The following ENPP3 variants were observed in gnomAD, a reference collection of about 807,000 sequenced individuals.
The protein encoded by ENPP3 is ectonucleotide pyrophosphatase/phosphodiesterase 3, also known as ectonucleotide pyrophosphatase/phosphodiesterase family member 3.
ENPP3 carries 104 observed loss-of-function variants against 117.8 expected under a neutral mutation model. The observed-to-expected ratio is 0.88, with a 90% CI of 0.75 to 1.04. ENPP3 has a LOEUF of 1.04. ENPP3 is among the 50% of genes least tolerant of loss of function. The pLI is 0.00. For synonymous variants in ENPP3, 380 were observed against 349.9 expected (o/e 1.09, Z -0.96); for missense variants, 1,026 against 1,051.9 (o/e 0.98, Z 0.34).
At chr6:131,730,443 C>T (rs894247035) in intron 20 of ENPP3, among the ~76,000 whole-genome samples, 4 of 152,156 alleles carry the variant, frequency 2.6e-5, no homozygotes, top group African/African-American at 4.8e-5. Flanking sequence ...CAAACGTCTT[C>T]GTATTTCTTG....
intron 14 of ENPP3, among the ~76,000 whole-genome samples, chr6:131,689,212 C>A (rs532974318): frequency 2.0e-4 from 30 of 152,246 alleles, no homozygotes; most frequent in African/African-American, 6.0e-4. Context: ...CCACACTAAG[C>A]AACATATTTT....
intron 15 of ENPP3, chr6:131,701,126 G>A (rs1324586913): frequency 3.0e-6 from 2 of 656,670 alleles, no homozygotes; most frequent in Non-Finnish European, 5.0e-6. Flanking sequence ...GGCCCGCAAA[G>A]GAGATGGGCT....
At position 131,726,077 on chromosome 6, in the gene ENPP3, T is replaced by G. The variant is rs753889551; in HGVS notation, c.1830T>G (p.Phe610Leu). The G allele has an allele frequency of 6.8e-6, 11 of 1,612,610 alleles. No individual in the cohort carries two copies. The highest frequency in any genetic ancestry group is 9.3e-6 in the Non-Finnish European group (11 of 1,178,938). The part of the protein sequence containing the change: ...ITATVKVNLP[F>L]GRPRVLQKNV... ...CAACAGTGAAAGTAAATTTGCCATT[T>G]GGGAGGCCTAGGGTACTGCAGAAGA... The change falls in exon 20 of 25, where the codon TTT becomes TTG. Residue 610 changes from phenylalanine (F) to leucine (L), a missense_variant. Coordinates refer to ENST00000357639, the MANE Select transcript of ENPP3 (RefSeq NM_005021.5).
At chr6:131,726,932 C>T (rs1780167275) in intron 20 of ENPP3, among the ~76,000 whole-genome samples, 1 of 152,134 alleles carries the variant, frequency 6.6e-6, no homozygotes, top group Non-Finnish European at 1.5e-5. Context: ...GTCCATATTC[C>T]CTTTGTGCAT....
intron 15 of ENPP3, among the ~76,000 whole-genome samples, chr6:131,718,353 C>T (rs982178273): frequency 3.3e-5 from 5 of 151,938 alleles, no homozygotes; most frequent in African/African-American, 1.2e-4. Context: ...AAAATATGTA[C>T]CTTTATTACT....
intron 2 of ENPP3, among the ~76,000 whole-genome samples, chr6:131,645,796 C>T (rs930166123): frequency 2.0e-5 from 3 of 151,838 alleles, no homozygotes; most frequent in African/African-American, 7.3e-5. Context: ...GATTAGTGAT[C>T]CTTTGTAGGT....
chr6:131,671,780 A>T (rs1213546996), intron 7 of ENPP3, among the ~76,000 whole-genome samples: 1 of 152,200 alleles, frequency 6.6e-6, no homozygotes, highest in Non-Finnish European at 1.5e-5. Context: ...CTTTAGATAA[A>T]GCAATAAAAG....
At chr6:131,687,105 G>A (rs968912208) in intron 14 of ENPP3, among the ~76,000 whole-genome samples, 1 of 152,146 alleles carries the variant, frequency 6.6e-6, no homozygotes, top group Non-Finnish European at 1.5e-5. Flanking sequence ...GCTTTCCACA[G>A]TGGCTGGACT....
chr6:131,672,312 T>G (rs924066061), intron 7 of ENPP3, among the ~76,000 whole-genome samples: 7 of 152,158 alleles, frequency 4.6e-5, no homozygotes, highest in Non-Finnish European at 8.8e-5. Context: ...CATGCTTTTT[T>G]GGGGGTGATT....
intron 19 of ENPP3, among the ~76,000 whole-genome samples, chr6:131,725,510 A>C (rs1323275286): frequency 6.6e-6 from 1 of 152,042 alleles, no homozygotes. Flanking sequence ...TCATGCCTTA[A>C]TCACCTCCTA....
intron 6 of ENPP3, among the ~76,000 whole-genome samples, chr6:131,662,701 A>T (rs9493040): frequency 3.2e-4 from 48 of 151,906 alleles, no homozygotes; most frequent in African/African-American, 1.1e-3. Flanking sequence ...TATGAATTTA[A>T]TTTTTTTTCT....
At chr6:131,673,322 G>T (rs1003323045) in intron 7 of ENPP3, among the ~76,000 whole-genome samples, 7 of 152,128 alleles carry the variant, frequency 4.6e-5, no homozygotes. Context: ...AGACTAGATA[G>T]AGAAAGTGGT....
intron 14 of ENPP3, among the ~76,000 whole-genome samples, chr6:131,689,534 A>G (rs924200876): frequency 6.6e-6 from 1 of 152,226 alleles, no homozygotes; most frequent in African/African-American, 2.4e-5. Context: ...CTGCTCAGAA[A>G]AAAAGGTTCC....
intron 5 of ENPP3, among the ~76,000 whole-genome samples, chr6:131,655,138 A>G (rs753420222): frequency 1.3e-5 from 2 of 152,184 alleles, no homozygotes; most frequent in Non-Finnish European, 2.9e-5. Context: ...AAATTTTTCT[A>G]TAGTCACTTG....
At chr6:131,728,324 T>C (rs1053099968) in intron 20 of ENPP3, among the ~76,000 whole-genome samples, 1 of 152,220 alleles carries the variant, frequency 6.6e-6, no homozygotes. Context: ...TTTAGTACTT[T>C]TCCCCTGCTG....
intron 24 of ENPP3, among the ~76,000 whole-genome samples, chr6:131,741,648 C>T (rs1780529996): frequency 6.6e-6 from 1 of 151,968 alleles, no homozygotes; most frequent in South Asian, 2.1e-4. Flanking sequence ...AGAGCCCCCA[C>T]CCCAAAAGGA....
chr6:131,738,194 A>G (rs762694892), intron 23 of ENPP3, 31 bp downstream of exon 23: 1 of 1,587,228 alleles, frequency 6.3e-7, no homozygotes, highest in Non-Finnish European at 8.6e-7. Context: ...ATTTATCAAT[A>G]GGGTCTCATG....
In ENPP3 at chr6:131,746,807, T is replaced by A. The variant is rs1396232411; in HGVS notation, c.2479T>A (p.Trp827Arg). ...SCPEGKPEAL[W>R]VEERFTAHIA... ...TCAGGAAGGTAAACCAGAAGCTCTT[T>A]GGGTTGAAGAAAGATTTACAGCTCA... is the stretch of plus-strand genomic sequence containing the variant. Residue 827 changes from tryptophan (W) to arginine (R), a missense_variant, in exon 25 of 25, where the codon TGG becomes AGG. Transcript: ENST00000357639. 3.2e-5 allele frequency: 51 copies of A among 1,608,224 alleles called. No individual in the cohort carries two copies. The highest frequency in any genetic ancestry group is 4.2e-5 in the Non-Finnish European group (50 of 1,178,270).
chr6:131,676,249 GT>G (rs202004046), intron 9 of ENPP3, among the ~76,000 whole-genome samples: 1,711 of 139,092 alleles, frequency 0.012, 24 homozygotes, highest in African/African-American at 0.032. Flanking sequence ...CTCTGCTCTA[GT>G]TTTTTTTTTT....
Sources: gnomAD v4.1 joint callset for allele counts (sites outside exome capture counted in the v4.1 genomes callset) on GRCh38, gnomAD v4.1.1 for gene constraint, MANE v1.5 for transcripts, NCBI Gene and HGNC (gene_info 2026-07-23, HGNC 2026-07-21) for gene names.